IQCM: variants seen among roughly 807,000 people sequenced by gnomAD.
IQCM encodes IQ domain-containing protein M.
IQCM carries 45 observed loss-of-function variants against 57.6 expected under a neutral mutation model. The observed-to-expected ratio is 0.78, with a 90% CI of 0.62 to 1.00. IQCM has a LOEUF of 1.00. Among genes scored for constraint, IQCM ranks in the 50% least tolerant of loss-of-function variants. The probability of loss-of-function intolerance (pLI) is 0.00; values close to 1 mark genes in which losing one functional copy is unlikely to be tolerated. For missense variants in IQCM, 468 were observed against 511.6 expected, an observed-to-expected ratio of 0.91 and a Z score of 0.82; for synonymous variants, 148 against 158.9, an observed-to-expected ratio of 0.93 and a Z score of 0.51.
chr4:149,403,420 T>G (rs550114941), intron 13 of IQCM, among the ~76,000 whole-genome samples: 1 of 152,014 alleles, frequency 6.6e-6, no homozygotes, highest in African/African-American at 2.4e-5. Flanking sequence ...ATCATCATAG[T>G]TATGCCATTT....
intron 2 of IQCM, among the ~76,000 whole-genome samples, chr4:149,798,950 A>G (rs897897190): frequency 2.0e-5 from 3 of 151,914 alleles, no homozygotes; most frequent in Admixed American, 6.6e-5. Flanking sequence ...AAAAGGAAAC[A>G]TTGGACTTAA....
chr4:149,446,376 C>T (rs979076567), intron 12 of IQCM, among the ~76,000 whole-genome samples: 1 of 151,584 alleles, frequency 6.6e-6, no homozygotes, highest in Non-Finnish European at 1.5e-5. Flanking sequence ...TTAATATGCT[C>T]CATTCAAAAG....
chr4:149,776,072 A>G (rs1771061095), intron 2 of IQCM, among the ~76,000 whole-genome samples: 1 of 152,164 alleles, frequency 6.6e-6, no homozygotes, highest in Non-Finnish European at 1.5e-5. Flanking sequence ...GTTTAAGGCT[A>G]CAAGGAACTT....
chr4:149,455,640 C>G (rs1280915997), intron 12 of IQCM, among the ~76,000 whole-genome samples: 2 of 151,962 alleles, frequency 1.3e-5, no homozygotes, highest in African/African-American at 2.4e-5. Context: ...ATTTTGTTAG[C>G]AGGAGCTGCA....
At chr4:149,728,934 C>T (rs1486408086) in intron 5 of IQCM, among the ~76,000 whole-genome samples, 6 of 152,312 alleles carry the variant, frequency 3.9e-5, no homozygotes, top group South Asian at 2.1e-4. Flanking sequence ...TGGCTCCTTA[C>T]GGTCCAGTAA....
intron 7 of IQCM, among the ~76,000 whole-genome samples, chr4:149,634,940 A>G (rs1427646312): frequency 6.6e-6 from 1 of 152,230 alleles, no homozygotes; most frequent in Non-Finnish European, 1.5e-5. Flanking sequence ...AATACTGGCC[A>G]TGAATTCATA....
chr4:149,494,755 C>T (rs768876516), intron 12 of IQCM, among the ~76,000 whole-genome samples: 2 of 152,068 alleles, frequency 1.3e-5, no homozygotes, highest in African/African-American at 2.4e-5. Context: ...ACTGGAGAAG[C>T]AGACAGCAAC....
intron 7 of IQCM, among the ~76,000 whole-genome samples, chr4:149,648,000 T>G (rs374449325): frequency 1.3e-5 from 2 of 152,196 alleles, no homozygotes; most frequent in East Asian, 3.8e-4. Context: ...TCTTCTCTAC[T>G]GCATCCAATA....
chr4:149,472,992 A>C (rs909652829), intron 12 of IQCM, among the ~76,000 whole-genome samples: 3 of 152,250 alleles, frequency 2.0e-5, no homozygotes, highest in Admixed American at 2.0e-4. Context: ...TTAAAGACTT[A>C]AATGTTAGAC....
chr4:149,603,826 TCAGCATTTTTACC>T (rs1258340453), intron 8 of IQCM, among the ~76,000 whole-genome samples: 1 of 152,122 alleles, frequency 6.6e-6, no homozygotes, highest in African/African-American at 2.4e-5. Context: ...CATCCTAAAT[TCAGCATTTTTACC>T]CTTTTTCCTC....
chr4:149,733,535 G>A, intron 4 of IQCM, 27 bp from the exon 5 acceptor site: 1 of 1,170,130 alleles, frequency 8.5e-7, no homozygotes, highest in Non-Finnish European at 1.1e-6. Flanking sequence ...AATAGATTTT[G>A]GCAAAATTTA....
rs145003337 is a variant in IQCM at position 149,812,094 on chromosome 4, G to A, written c.-49+3217C>T. ...AATGCCCTTTTCCAGTTTTATAAGT[G>A]AGCAGCAAAGTACTCTCAAAGGAAG... On this transcript the variant is annotated intron_variant, in intron 2 of 13. Coordinates refer to ENST00000636793, the MANE Select transcript of IQCM (RefSeq NM_001363507.2). 3.3e-3 allele frequency among the ~76,000 whole-genome samples: 509 copies of A among 152,254 alleles called. 1 individual carries two copies. The highest frequency in any genetic ancestry group is 4.8e-3 in the Non-Finnish European group (325 of 68,024).
intron 8 of IQCM, among the ~76,000 whole-genome samples, chr4:149,599,349 A>C (rs778533671): frequency 1.3e-5 from 2 of 152,196 alleles, no homozygotes; most frequent in Non-Finnish European, 2.9e-5. Context: ...CATTTACACA[A>C]AGTTATAAAC....
intron 13 of IQCM, among the ~76,000 whole-genome samples, chr4:149,403,755 G>GT (rs1732785118): frequency 1.3e-5 from 2 of 152,028 alleles, no homozygotes; most frequent in Middle Eastern, 3.4e-3. Flanking sequence ...AACTGAGTGC[G>GT]TAAGACATCA....
At chr4:149,629,272 G>T (rs2150089165) in intron 7 of IQCM, among the ~76,000 whole-genome samples, 1 of 152,160 alleles carries the variant, frequency 6.6e-6, no homozygotes, top group African/African-American at 2.4e-5. Context: ...CTCACTCACA[G>T]TTCAAATGGA....
chr4:149,489,747 C>A (rs1741888986), intron 12 of IQCM, among the ~76,000 whole-genome samples: 1 of 151,574 alleles, frequency 6.6e-6, no homozygotes, highest in South Asian at 2.1e-4. Flanking sequence ...TCAAGGATAT[C>A]TCTATAATTC....
intron 13 of IQCM, among the ~76,000 whole-genome samples, chr4:149,360,971 T>C (rs537748263): frequency 1.3e-5 from 2 of 152,210 alleles, no homozygotes; most frequent in Non-Finnish European, 2.9e-5. Context: ...AGAAACTTGT[T>C]GAATGGCTTT....
intron 12 of IQCM, among the ~76,000 whole-genome samples, chr4:149,468,092 G>A (rs1289233787): frequency 6.6e-6 from 1 of 152,214 alleles, no homozygotes; most frequent in Non-Finnish European, 1.5e-5. Context: ...GAAGATGGGT[G>A]TTTTCTGCAT....
intron 5 of IQCM, among the ~76,000 whole-genome samples, chr4:149,723,591 A>G (rs1765633191): frequency 6.6e-6 from 1 of 152,002 alleles, no homozygotes; most frequent in Non-Finnish European, 1.5e-5. Flanking sequence ...AATCACACTT[A>G]TTGACTTGCA....
Sources: allele counts gnomAD v4.1 joint callset (sites outside exome capture counted in the v4.1 genomes callset), GRCh38; gene constraint gnomAD v4.1.1; transcripts MANE v1.5; gene names NCBI Gene and HGNC (gene_info 2026-07-23, HGNC 2026-07-21).